MAPRE3: variants seen among roughly 807,000 people sequenced by gnomAD.
The protein encoded by MAPRE3 is microtubule-associated protein RP/EB family member 3.
Under a neutral mutation model 30.5 loss-of-function variants are expected in MAPRE3, and 2 were observed. The observed-to-expected ratio is 0.07, with a 90% CI of 0.03 to 0.21. The LOEUF (loss-of-function observed/expected upper bound fraction) is 0.21, where lower values mean the gene tolerates loss of function less well. MAPRE3 is among the 10% of genes least tolerant of loss of function. The pLI is 1.00. For missense variants in MAPRE3, 204 were observed against 351.8 expected (o/e 0.58, Z 3.36); for synonymous variants, 110 against 127.7 (o/e 0.86, Z 0.93).
At position 27,025,658 on chromosome 2, in the gene MAPRE3, G is replaced by T; in HGVS notation, c.545G>T (p.Cys182Phe). ...CGGCTGAGCAATGTGGCCCCCCCCT[G>T]CATTCTCCGGAAGAATCCTCCATCA... ...SGRLSNVAPP[C>F]ILRKNPPSAR... The change falls in exon 5 of 7, where the codon TGC (cysteine) becomes TTC (phenylalanine). Residue 182 changes from cysteine (C) to phenylalanine (F), a missense_variant. Transcript: ENST00000233121. 6.2e-7 allele frequency: 1 copy of T among 1,612,290 alleles called. No homozygotes were observed. The highest frequency in any genetic ancestry group is 8.5e-7 in the Non-Finnish European group (1 of 1,179,068).
At chr2:27,013,217 G>A (rs555076998) in intron 1 of MAPRE3, 3 of 152,598 alleles carry the variant, frequency 2.0e-5, no homozygotes, top group African/African-American at 7.2e-5. Context: ...GCCACAGATG[G>A]GCCAGCAGCC....
chr2:27,024,011 TCCTGAGAGCAGTGGC>T (rs1418008618), intron 3 of MAPRE3, 70 bp from the exon 4 acceptor site: 2 of 1,080,466 alleles, frequency 1.9e-6, no homozygotes, highest in Non-Finnish European at 2.8e-6. Flanking sequence ...GGGCTGGCTT[TCCTGAGAGCAGTGGC>T]CCTCAGCAGA....
intron 1 of MAPRE3, among the ~76,000 whole-genome samples, chr2:27,020,385 C>T (rs1363582593): frequency 1.3e-5 from 2 of 152,252 alleles, no homozygotes; most frequent in Non-Finnish European, 2.9e-5. Flanking sequence ...TCTTCACTCA[C>T]TCCAGAAACA....
intron 1 of MAPRE3, among the ~76,000 whole-genome samples, chr2:27,009,598 G>A (rs1666803897): frequency 1.3e-5 from 2 of 152,150 alleles, no homozygotes; most frequent in African/African-American, 4.8e-5. Context: ...AAAATCCTCT[G>A]GAGAGTTTCC....
intron 1 of MAPRE3, among the ~76,000 whole-genome samples, chr2:26,981,345 C>A (rs548761139): frequency 6.6e-6 from 1 of 151,708 alleles, no homozygotes; most frequent in Non-Finnish European, 1.5e-5. Flanking sequence ...GCCCTAAGGC[C>A]GGAGGTAGAG....
intron 1 of MAPRE3, among the ~76,000 whole-genome samples, chr2:27,000,986 T>C (rs1426426859): frequency 6.6e-6 from 1 of 152,244 alleles, no homozygotes; most frequent in Non-Finnish European, 1.5e-5. Context: ...GTAGAAAATT[T>C]TGAAAATTCA....
intron 1 of MAPRE3, among the ~76,000 whole-genome samples, chr2:27,003,862 T>C (rs1666659761): frequency 6.6e-6 from 1 of 152,194 alleles, no homozygotes; most frequent in South Asian, 2.1e-4. Context: ...CAAAATTCCA[T>C]TAACAACCTC....
At chr2:27,011,050 C>T (rs1666845609) in intron 1 of MAPRE3, among the ~76,000 whole-genome samples, 1 of 152,232 alleles carries the variant, frequency 6.6e-6, no homozygotes, top group South Asian at 2.1e-4. Context: ...AGATGACCTC[C>T]TCTTTGAAAG....
intron 1 of MAPRE3, chr2:27,002,103 C>T (rs1159015079): frequency 6.6e-6 from 1 of 152,166 alleles, no homozygotes; most frequent in Admixed American, 6.5e-5. Context: ...AGAAAGCAGG[C>T]ATTTTGTGTT....
chr2:26,982,267 T>C (rs1270658256), intron 1 of MAPRE3, among the ~76,000 whole-genome samples: 1 of 152,216 alleles, frequency 6.6e-6, no homozygotes, highest in African/African-American at 2.4e-5. Context: ...ATTACTTTCA[T>C]GCTGCACAAC....
At chr2:26,975,475 TGTTCAGGTGCAAGA>T (rs1262665023) in intron 1 of MAPRE3, among the ~76,000 whole-genome samples, 1 of 152,166 alleles carries the variant, frequency 6.6e-6, no homozygotes, top group Admixed American at 6.5e-5. Flanking sequence ...CAGGGCAAGC[TGTTCAGGTGCAAGA>T]GCAAAAGTGA....
chr2:26,972,820 A>C (rs1665940435), intron 1 of MAPRE3, among the ~76,000 whole-genome samples: 1 of 152,212 alleles, frequency 6.6e-6, no homozygotes, highest in Admixed American at 6.5e-5. Flanking sequence ...GGATCAGAGT[A>C]GTTTTTATAT....
In MAPRE3 at chr2:27,015,956, TA is replaced by T. The variant is rs530867313; in HGVS notation, c.-7-6254del. 6.6e-5 allele frequency among the ~76,000 whole-genome samples: 10 copies of T among 152,314 alleles called. No individual in the cohort carries two copies. Among genetic ancestry groups the T allele is most frequent in the African/African-American group, 2.4e-4 (10 of 41,582 alleles). On this transcript the variant is annotated intron_variant, in intron 1 of 6. Transcript: ENST00000233121. The surrounding 1 kb of genome is among the most constrained non-coding windows in gnomAD (Gnocchi z 4.0). ...GCTTCCCCTCCCGCAATGAGAGCTGTAATTGCCTTTCCCAGTTGCCTGTGAA... is the reference window on the plus strand; with the variant it reads ...GCTTCCCCTCCCGCAATGAGAGCTGTATTGCCTTTCCCAGTTGCCTGTGAA...
rs560487442 is a variant in MAPRE3, at chr2:26,986,897, C to G, written c.-8+16095C>G. On this transcript the variant is annotated intron_variant, in intron 1 of 6. Transcript: ENST00000233121. The surrounding 1 kb of genome is among the most constrained non-coding windows in gnomAD (Gnocchi z 4.2). ...GATGCTATGGAAGATGGAAATGGTG[C>G]TTGTGGAGTGTTGGTTGGAGGGAGA... The G allele has an allele frequency of 3.7e-4, 56 of 152,478 alleles. No individual in the cohort carries two copies. The highest frequency in any genetic ancestry group is 6.6e-4 in the Non-Finnish European group (45 of 68,180). 9.4% of individuals were successfully genotyped at this position (152,478 alleles called of 1,614,324 possible).
intron 1 of MAPRE3, among the ~76,000 whole-genome samples, chr2:26,976,452 TGTGACA>T (rs1666015851): frequency 6.6e-6 from 1 of 152,216 alleles, no homozygotes; most frequent in South Asian, 2.1e-4. Flanking sequence ...TACAATTTCG[TGTGACA>T]GTTAGCCAAG....
rs779546380 is a variant in MAPRE3, at chr2:26,985,669, T to C, written c.-8+14867T>C. On this transcript the variant is annotated intron_variant, in intron 1 of 6. Transcript: ENST00000233121. This position sits in a 1 kb window ranked among gnomAD's most constrained non-coding sequence, Gnocchi z 4.2. ...TCTAATCCCCCAGAACTGGTAAATA[T>C]TCCTTTATAGGACAAAAGAATAGGT... 1.3e-5 allele frequency among the ~76,000 whole-genome samples: 2 copies of C among 152,230 alleles called. No homozygotes were observed. The highest frequency in any genetic ancestry group is 2.9e-5 in the Non-Finnish European group (2 of 68,040).
intron 1 of MAPRE3, among the ~76,000 whole-genome samples, chr2:26,990,933 C>T (rs1666324045): frequency 6.6e-6 from 1 of 152,206 alleles, no homozygotes; most frequent in South Asian, 2.1e-4. Flanking sequence ...CCCTGACACT[C>T]AGTGGGTGCG....
intron 1 of MAPRE3, among the ~76,000 whole-genome samples, chr2:27,008,562 G>C (rs1322225017): frequency 6.6e-6 from 1 of 152,160 alleles, no homozygotes; most frequent in African/African-American, 2.4e-5. Flanking sequence ...CTGAGACAAA[G>C]CCATAATTCT....
At chr2:26,979,053 G>T (rs918236434) in intron 1 of MAPRE3, among the ~76,000 whole-genome samples, 3 of 152,210 alleles carry the variant, frequency 2.0e-5, no homozygotes. Context: ...ATGGGAAAGG[G>T]TGCTTTGGTA....
Sources: allele counts gnomAD v4.1 joint callset (sites outside exome capture counted in the v4.1 genomes callset), GRCh38; gene constraint gnomAD v4.1.1; non-coding constraint Gnocchi (gnomAD v3.1); transcripts MANE v1.5; gene names NCBI Gene and HGNC (gene_info 2026-07-23, HGNC 2026-07-21).